Variants in CELF2 observed in about 807,000 individuals in gnomAD.
CELF2 encodes CUG triplet repeat RNA-binding protein 2.
CELF2 carries 8 observed loss-of-function variants against 62.6 expected under a neutral mutation model. The ratio of observed to expected loss-of-function variants is 0.13; its 90% CI spans 0.07 to 0.23. The LOEUF is 0.23. Ranked by LOEUF, CELF2 falls within the 10% of genes least tolerant of loss-of-function variation. The probability of loss-of-function intolerance (pLI) is 1.00; values close to 1 mark genes in which losing one functional copy is unlikely to be tolerated. For missense variants in CELF2, 333 were observed against 671.0 expected (o/e 0.50, Z 5.56); for synonymous variants, 258 against 250.0 (o/e 1.03, Z -0.30).
Position 10,973,626 on chromosome 10 carries a change from G to A in CELF2, c.89+53627G>A, listed in dbSNP as rs1275889153. Among the ~76,000 whole-genome samples, 4 of 152,132 alleles carry A rather than the reference G, an allele frequency of 2.6e-5. No individual in the cohort carries two copies. The East Asian group carries it at 7.7e-4, about 29-fold the overall frequency. ...CAAATGCCTAGGCTGGACTGCAGTA[G>A]CTCAGTCATAGCTCACTGCAGCCTC... is the stretch of plus-strand genomic sequence containing the variant. On this transcript the variant is annotated intron_variant, in intron 2 of 13. Coordinates refer to the CELF2 transcript ENST00000636488.
chr10:11,175,751 A>G (rs531957620), intron 2 of CELF2, among the ~76,000 whole-genome samples: 1 of 152,276 alleles, frequency 6.6e-6, no homozygotes, highest in African/African-American at 2.4e-5. Flanking sequence ...AACAGAAACG[A>G]TGAAAAATGT....
intron 1 of CELF2, among the ~76,000 whole-genome samples, chr10:10,906,363 G>C (rs2063339070): frequency 6.6e-6 from 1 of 152,204 alleles, no homozygotes; most frequent in African/African-American, 2.4e-5. Flanking sequence ...ATTTTACCCA[G>C]CACTTTGCGC....
intron 1 of CELF2, among the ~76,000 whole-genome samples, chr10:10,801,835 T>C (rs1298152568): frequency 1.3e-5 from 2 of 152,132 alleles, no homozygotes; most frequent in African/African-American, 4.8e-5. Flanking sequence ...CAATATAGTG[T>C]TTTAGGAGAT....
At chr10:10,648,817 A>G in the CELF2 span, among the ~76,000 whole-genome samples, 1 of 152,214 alleles carries the variant, frequency 6.6e-6, no homozygotes. Flanking sequence ...ATATTAGAGC[A>G]AGCTTATTGG....
At chr10:10,889,782 C>G (rs991524840) in intron 1 of CELF2, among the ~76,000 whole-genome samples, 1 of 152,174 alleles carries the variant, frequency 6.6e-6, no homozygotes, top group Non-Finnish European at 1.5e-5. Context: ...GAGCATAACA[C>G]AAGAGTATTG....
At chr10:10,944,143 C>T (rs1336761257) in intron 2 of CELF2, 1 of 152,584 alleles carries the variant, frequency 6.6e-6, no homozygotes, top group Non-Finnish European at 1.5e-5. Context: ...AGTGTCCCTA[C>T]CCCACCACAA....
At chr10:11,076,705 G>T (rs2141198749) in intron 1 of CELF2, among the ~76,000 whole-genome samples, 1 of 152,248 alleles carries the variant, frequency 6.6e-6, no homozygotes, top group African/African-American at 2.4e-5. Context: ...GATTCATTAG[G>T]GAAAAGTTTA....
At chr10:10,560,518 C>G in the CELF2 span, among the ~76,000 whole-genome samples, 3 of 152,116 alleles carry the variant, frequency 2.0e-5, no homozygotes, top group African/African-American at 7.2e-5. Context: ...CTCACCGGTT[C>G]CCTCCACTTG....
chr10:11,326,739 A>G (rs1029142044), intron 12 of CELF2, among the ~76,000 whole-genome samples: 1 of 152,218 alleles, frequency 6.6e-6, no homozygotes, highest in Non-Finnish European at 1.5e-5. Context: ...CAGGATGTTC[A>G]GAGTATATAT....
intron 1 of CELF2, among the ~76,000 whole-genome samples, chr10:10,838,444 A>C (rs1375298842): frequency 6.6e-6 from 1 of 152,176 alleles, no homozygotes; most frequent in Non-Finnish European, 1.5e-5. Context: ...CCCACACTTA[A>C]GGAGTGGGGA....
chr10:11,195,320 G>C (rs2057172018), intron 2 of CELF2, among the ~76,000 whole-genome samples: 2 of 152,210 alleles, frequency 1.3e-5, no homozygotes, highest in South Asian at 4.1e-4. Flanking sequence ...ACCAAGAGGA[G>C]GTTTAGTGTG....
chr10:10,758,577 A>G, the CELF2 span, among the ~76,000 whole-genome samples: 1 of 109,670 alleles, frequency 9.1e-6, no homozygotes, highest in Admixed American at 1.1e-4. Flanking sequence ...CCCAGTGTCT[A>G]CACAGAGTGG....
At chr10:10,620,920 A>C in the CELF2 span, among the ~76,000 whole-genome samples, 2 of 112,882 alleles carry the variant, frequency 1.8e-5, no homozygotes, top group African/African-American at 3.9e-5. Flanking sequence ...CCCATCTCAA[A>C]AAAAAAAAAA....
chr10:10,553,054 A>G, the CELF2 span, among the ~76,000 whole-genome samples: 1 of 152,144 alleles, frequency 6.6e-6, no homozygotes, highest in Non-Finnish European at 1.5e-5. Flanking sequence ...ATAAAGACAT[A>G]CCAAGGACTG....
rs1237449417 is a variant in CELF2, at chr10:10,845,444, A to G, written c.53+46627A>G. Among the ~76,000 whole-genome samples the G allele has an allele frequency of 3.3e-5, 4 of 122,124 alleles. No individual in the cohort carries two copies. In the East Asian group the frequency reaches 1.1e-3, roughly 33 times the overall value. The allele number at this position is 122,124 out of a possible 152,430, so 80.1% of individuals were successfully genotyped here. On this transcript the variant is annotated intron_variant, in intron 1 of 13. Coordinates refer to the CELF2 transcript ENST00000636488. ...ATGAAACAGAAAATGTAATAAAACA[A>G]TAAAGCAAAGCAAAACATACACACA...
Position 11,220,654 on chromosome 10 carries a change from A to G in CELF2, c.354+3147A>G, listed in dbSNP as rs2064591664. Reference sequence around the variant, plus strand: ...TTTTACATCCCCTGAAATTCTCAACATAAACCCTAGAAATACAATGGCAGT... The same window carrying G: ...TTTTACATCCCCTGAAATTCTCAACGTAAACCCTAGAAATACAATGGCAGT... On this transcript the variant is annotated intron_variant, in intron 3 of 12. Transcript: ENST00000633077. The surrounding 1 kb of genome is among the most constrained non-coding windows in gnomAD (Gnocchi z 4.4). Among the ~76,000 whole-genome samples, 1 of 152,212 alleles carries G rather than the reference A, an allele frequency of 6.6e-6. No individual in the cohort carries two copies. Among genetic ancestry groups the G allele is most frequent in the Non-Finnish European group, 1.5e-5 (1 of 68,040 alleles).
chr10:10,885,019 A>G lies in CELF2; in HGVS notation c.54-34945A>G, dbSNP rs577944930. On this transcript the variant is annotated intron_variant, in intron 1 of 13. Coordinates refer to the CELF2 transcript ENST00000636488. ...AACACTTTGGGAGGCTGAGGCAGGC[A>G]GATCATGAGGTCAGGAGTTTGAGAC... is the stretch of plus-strand genomic sequence containing the variant. Among the ~76,000 whole-genome samples, 202 of 152,318 alleles carry G rather than the reference A, an allele frequency of 1.3e-3. 1 individual carries two copies. The highest frequency in any genetic ancestry group is 2.7e-3 in the Non-Finnish European group (182 of 68,036).
At chr10:10,729,484 A>T in the CELF2 span, among the ~76,000 whole-genome samples, 1 of 152,240 alleles carries the variant, frequency 6.6e-6, no homozygotes, top group African/African-American at 2.4e-5. Context: ...GTTCCAAGAT[A>T]TTCCTAATTG....
At position 11,324,639 on chromosome 10, in the gene CELF2, T is replaced by TACAAA. The variant is rs2095628869; in HGVS notation, c.1295-1197_1295-1196insACAAA. On this transcript the variant is annotated intron_variant, in intron 11 of 12. Coordinates refer to ENST00000633077, the MANE Select transcript of CELF2 (RefSeq NM_001326342.2). This position sits in a 1 kb window ranked among gnomAD's most constrained non-coding sequence, Gnocchi z 4.7. The stretch of plus-strand genomic sequence containing the variant: ...AGTTTGCCTCAAGAAGTTTTCTTTG[T>TACAAA]GAAAAGTCCCAATCATTAGGATACT... Among the ~76,000 whole-genome samples, 1 of 152,262 alleles carries TACAAA rather than the reference T, an allele frequency of 6.6e-6. No individual in the cohort carries two copies.
Sources: allele counts gnomAD v4.1 joint callset (sites outside exome capture counted in the v4.1 genomes callset), GRCh38; gene constraint gnomAD v4.1.1; non-coding constraint Gnocchi (gnomAD v3.1); transcripts MANE v1.5; gene names NCBI Gene and HGNC (gene_info 2026-07-23, HGNC 2026-07-21).